CCDC141: variants seen among roughly 807,000 people sequenced by gnomAD.
CCDC141 encodes the protein coiled-coil domain containing 141.
A neutral mutation model predicts 181.0 loss-of-function variants in CCDC141; 168 were observed. That is an observed-to-expected ratio of 0.93 (90% CI 0.82 to 1.05). The LOEUF (loss-of-function observed/expected upper bound fraction) is 1.05. Ranked by LOEUF, CCDC141 falls within the 50% of genes least tolerant of loss-of-function variation. CCDC141 has a pLI of 0.00. For missense variants in CCDC141, 1,902 were observed against 1,788.5 expected (o/e 1.06, Z -1.14); for synonymous variants, 666 against 642.3 (o/e 1.04, Z -0.56).
At chr2:178,969,671 C>A (rs1690796165) in intron 4 of CCDC141, among the ~76,000 whole-genome samples, 1 of 152,112 alleles carries the variant, frequency 6.6e-6, no homozygotes, top group Non-Finnish European at 1.5e-5. Context: ...CAATATCATA[C>A]TGAATGGGAA....
At chr2:178,880,514 G>A (rs1486536843) in intron 11 of CCDC141, among the ~76,000 whole-genome samples, 2 of 152,126 alleles carry the variant, frequency 1.3e-5, no homozygotes, top group Admixed American at 1.3e-4. Context: ...TGGTACAAGT[G>A]CCGAGAAAGG....
intron 6 of CCDC141, among the ~76,000 whole-genome samples, chr2:178,929,021 C>A (rs1428381848): frequency 6.6e-6 from 1 of 152,094 alleles, no homozygotes; most frequent in Non-Finnish European, 1.5e-5. Flanking sequence ...AAGAATCAGA[C>A]AAGTAAAACA....
rs377004698 is a variant in CCDC141 at position 178,986,806 on chromosome 2, G to A, written c.226-8131C>T. On this transcript the variant is annotated intron_variant, in intron 2 of 23. Transcript: ENST00000443758. ...AGGAGAACTACAAACCGCTGCTCAA[G>A]GAAATAAAAGAGGATACAAACAAAT... Among the ~76,000 whole-genome samples the A allele has an allele frequency of 6.9e-3, 1,053 of 151,662 alleles. 7 individuals are homozygous for A. The highest frequency in any genetic ancestry group is 0.011 in the Non-Finnish European group (753 of 67,916).
At chr2:178,878,401 C>T (rs561643585) in intron 11 of CCDC141, among the ~76,000 whole-genome samples, 41 of 151,350 alleles carry the variant, frequency 2.7e-4, no homozygotes, top group Admixed American at 9.9e-4. Context: ...TGGGGTCAAG[C>T]AATCCTCTCT....
intron 22 of CCDC141, among the ~76,000 whole-genome samples, chr2:178,841,249 A>G (rs1294331213): frequency 1.3e-5 from 2 of 152,234 alleles, no homozygotes; most frequent in African/African-American, 4.8e-5. Context: ...AACACTCTTG[A>G]GTACAATTAT....
chr2:178,898,144 C>T (rs1687501856), intron 8 of CCDC141, among the ~76,000 whole-genome samples: 2 of 152,300 alleles, frequency 1.3e-5, no homozygotes, highest in South Asian at 4.1e-4. Flanking sequence ...ATAACATGGT[C>T]ATTAAGATGG....
intron 22 of CCDC141, among the ~76,000 whole-genome samples, chr2:178,844,065 C>G (rs1173161344): frequency 6.6e-6 from 1 of 152,036 alleles, no homozygotes; most frequent in Non-Finnish European, 1.5e-5. Context: ...TCTGTTTCTT[C>G]TAACAAGAAA....
intron 2 of CCDC141, chr2:179,001,994 T>C (rs2041997704): frequency 6.3e-6 from 1 of 159,014 alleles, no homozygotes. Context: ...AATTTTTGTA[T>C]TTTTAGTAGA....
rs377002777 is a variant in CCDC141, at chr2:179,012,987, T to C, written c.225+34297A>G. Among the ~76,000 whole-genome samples, 5 of 152,270 alleles carry C rather than the reference T, an allele frequency of 3.3e-5. No individual in the cohort carries two copies. The East Asian group carries it at 9.6e-4, about 29-fold the overall frequency. On this transcript the variant is annotated intron_variant, in intron 2 of 23. Coordinates refer to ENST00000443758, the MANE Select transcript of CCDC141 (RefSeq NM_173648.4). ...ACCTTAATGTAATAAAAGCCATCTA[T>C]GACAAACCCACAGCCAACACAATAC...
At chr2:178,857,420 A>G (rs964820125) in intron 17 of CCDC141, among the ~76,000 whole-genome samples, 4 of 152,202 alleles carry the variant, frequency 2.6e-5, no homozygotes, top group Non-Finnish European at 4.4e-5. Flanking sequence ...AGATCCTTCA[A>G]AAACAATAAA....
chr2:179,027,646 C>CAAAAAAAAAA lies in CCDC141; in HGVS notation c.225+19628_225+19637dup, dbSNP rs71023466. ...GGCAACAGAGTGAGACTCTTACTCTCAAAAAAAAAAAAAAAAAAAAAAAAA... is the reference window on the plus strand; with the variant it reads ...GGCAACAGAGTGAGACTCTTACTCTCAAAAAAAAAAAAAAAAAAAAAAAAAAAAAAAAAAA... On this transcript the variant is annotated intron_variant, in intron 2 of 23. Transcript: ENST00000443758. 5.1e-4 allele frequency among the ~76,000 whole-genome samples: 27 copies of CAAAAAAAAAA among 53,272 alleles called. 2 individuals carry two copies. Among genetic ancestry groups the CAAAAAAAAAA allele is most frequent in the African/African-American group, 1.8e-3 (26 of 14,460 alleles). The allele number at this position is 53,272 out of a possible 152,430, so 34.9% of individuals were successfully genotyped here.
chr2:178,870,164 G>A (rs181564854), intron 14 of CCDC141, among the ~76,000 whole-genome samples: 125 of 148,800 alleles, frequency 8.4e-4, no homozygotes, highest in African/African-American at 2.6e-3. Context: ...CCTGGGAGGC[G>A]GAGGCTGCAG....
At chr2:178,926,118 C>T (rs908374651) in intron 6 of CCDC141, among the ~76,000 whole-genome samples, 2 of 151,750 alleles carry the variant, frequency 1.3e-5, no homozygotes, top group Non-Finnish European at 2.9e-5. Flanking sequence ...CCCCTATCCA[C>T]TGAATCATAA....
intron 3 of CCDC141, among the ~76,000 whole-genome samples, chr2:178,977,887 G>A (rs988869412): frequency 6.6e-6 from 1 of 152,110 alleles, no homozygotes; most frequent in Non-Finnish European, 1.5e-5. Context: ...AAAAATTGTA[G>A]AATTCGAGAA....
At chr2:179,049,010 G>C (rs2043591323) in intron 1 of CCDC141, among the ~76,000 whole-genome samples, 2 of 152,184 alleles carry the variant, frequency 1.3e-5, no homozygotes, top group African/African-American at 4.8e-5. Context: ...TTGTTTGCCA[G>C]CTTTCCCTTC....
chr2:178,904,365 G>C (rs1206962203), intron 8 of CCDC141, among the ~76,000 whole-genome samples: 2 of 152,152 alleles, frequency 1.3e-5, no homozygotes, highest in African/African-American at 2.4e-5. Flanking sequence ...CCCCTGTCCA[G>C]ATTCAGACTG....
At chr2:179,034,959 T>C (rs2043101351) in intron 2 of CCDC141, among the ~76,000 whole-genome samples, 1 of 152,208 alleles carries the variant, frequency 6.6e-6, no homozygotes, top group Admixed American at 6.5e-5. Flanking sequence ...CTATTGTTTG[T>C]CCATTAAATT....
At chr2:179,021,210 T>G (rs574231659) in intron 2 of CCDC141, among the ~76,000 whole-genome samples, 1 of 152,318 alleles carries the variant, frequency 6.6e-6, no homozygotes, top group South Asian at 2.1e-4. Flanking sequence ...GAATTTGATT[T>G]TGAGTTTACA....
rs1262414532 is a variant in CCDC141 at position 178,837,528 on chromosome 2, C to A, written c.3691G>T (p.Asp1231Tyr). The stretch of plus-strand genomic sequence containing the variant: ...CTGACAGGCTCTTCCACCTCCATGT[C>A]AGATGGTGCAAGAGGGGACTCAGGG... ...GSPESPLAPS[D>Y]MEVEEPVSSS... The change falls in exon 23 of 24, where the codon GAC becomes TAC. Residue 1231 changes from aspartate to tyrosine, a missense_variant. Asp to Tyr is a radical substitution (Grantham distance 160). Coordinates refer to ENST00000443758, the MANE Select transcript of CCDC141 (RefSeq NM_173648.4). 5 of 1,613,842 alleles carry A rather than the reference C, an allele frequency of 3.1e-6. No homozygotes were observed. In the African/African-American group the frequency reaches 6.7e-5, roughly 22 times the overall value.
Sources: allele counts gnomAD v4.1 joint callset (sites outside exome capture counted in the v4.1 genomes callset), GRCh38; gene constraint gnomAD v4.1.1; transcripts MANE v1.5; gene names NCBI Gene and HGNC (gene_info 2026-07-23, HGNC 2026-07-21).